RFLNA: variants seen among roughly 807,000 people sequenced by gnomAD.
RFLNA encodes the protein refilin A, also known as refilin-A.
RFLNA carries 5 observed loss-of-function variants against 7.8 expected under a neutral mutation model. The observed-to-expected ratio is 0.64, with a 90% confidence interval of 0.34 to 1.35. RFLNA has a LOEUF of 1.35. RFLNA is among the 40% of genes most tolerant of loss of function. The probability of loss-of-function intolerance (pLI) is 0.04; values close to 1 mark genes in which losing one functional copy is unlikely to be tolerated. For synonymous variants in RFLNA, 141 were observed against 131.3 expected (o/e 1.07, Z -0.50); for missense variants, 278 against 305.5 (o/e 0.91, Z 0.67).
At chr12:124,293,969 C>G (rs1481260929), upstream of RFLNA, among the ~76,000 whole-genome samples, 8 of 152,220 alleles carry the variant, frequency 5.3e-5, no homozygotes, top group Admixed American at 2.0e-4. Context: ...CATTAAGTTC[C>G]TTCCCTTAGA....
chr12:124,314,235 G>A lies in RFLNA; in HGVS notation c.361G>A (p.Asp121Asn). 6.2e-7 allele frequency: 1 copy of A among 1,613,404 alleles called. No individual in the cohort carries two copies. The highest frequency in any genetic ancestry group is 1.1e-5 in the South Asian group (1 of 91,066). ...GTACGCCTCGGAGAAGCATTTCCAG[G>A]ACAAGGTCTTCTATGCGCCCGTACC... ...VKYASEKHFQ[D>N]KVFYAPVPTV... The change falls in exon 3 of 3, where the codon GAC becomes AAC. Residue 121 changes from aspartate (D) to asparagine (N), a missense_variant. Asp to Asn is a conservative substitution (Grantham distance 23). Coordinates refer to ENST00000546355, the MANE Select transcript of RFLNA (RefSeq NM_001365156.1).
chr12:124,311,805 G>C lies in RFLNA; in HGVS notation c.208-13G>C, dbSNP rs1316389854. 1.9e-6 allele frequency: 3 copies of C among 1,564,202 alleles called. No homozygotes were observed. Among genetic ancestry groups the C allele is most frequent in the African/African-American group, 2.8e-5 (2 of 72,632 alleles). ...GGGGCTGCATAACCCCGTGTCCCTGGCTCTCCCCACAGCCCCCCTCCCAAC... is the reference window on the plus strand; with the variant it reads ...GGGGCTGCATAACCCCGTGTCCCTGCCTCTCCCCACAGCCCCCCTCCCAAC... On this transcript the variant is annotated splice_polypyrimidine_tract_variant and intron_variant, in intron 1 of 2. Transcript: ENST00000546355.
chr12:124,309,494 CGCGA>C (rs975862307), intron 1 of RFLNA, among the ~76,000 whole-genome samples: 3 of 152,230 alleles, frequency 2.0e-5, no homozygotes, highest in Non-Finnish European at 4.4e-5. Context: ...CTGCTGTGGC[CGCGA>C]GCATCTCTTC....
Position 124,295,579 on chromosome 12 carries a change from G to A in RFLNA, c.150G>A (p.Ala50=). The A allele has an allele frequency of 8.4e-7, 1 of 1,195,736 alleles. No homozygotes were observed. 74.1% of individuals were successfully genotyped at this position (1,195,736 alleles called of 1,614,324 possible). A position where few individuals can be genotyped will look rare whatever the true frequency, so the allele number is the denominator to read the frequency against. ...CCCTGGCGCCCGGCATCCTCGACGC[G>A]CGCGCGGGGGGCGCCGGCGCCTCCT... ...FYSLAPGILD[A]RAGGAGASSE... Residue 50 remains alanine, a synonymous_variant, in exon 1 of 3, where the codon GCG becomes GCA. Coordinates refer to ENST00000546355, the MANE Select transcript of RFLNA (RefSeq NM_001365156.1).
At chr12:124,296,171 C>CTT (rs1259447095) in intron 1 of RFLNA, among the ~76,000 whole-genome samples, 596 of 3,250 alleles carry the variant, frequency 0.18, 268 homozygotes, top group African/African-American at 0.43. Flanking sequence ...CTTCTCTTCT[C>CTT]TTCTCTTCTC....
chr12:124,296,655 C>G (rs59703390), intron 1 of RFLNA, among the ~76,000 whole-genome samples: 1 of 152,152 alleles, frequency 6.6e-6, no homozygotes, highest in African/African-American at 2.4e-5. Flanking sequence ...CGGAAAGGAG[C>G]GGCTCCCCGG....
intron 1 of RFLNA, among the ~76,000 whole-genome samples, chr12:124,299,883 TCTC>T (rs2033995365): frequency 6.6e-6 from 1 of 152,304 alleles, no homozygotes; most frequent in Non-Finnish European, 1.5e-5. Context: ...CCATTGCTCT[TCTC>T]CTCCTCCCCG....
chr12:124,308,597 G>A (rs1038750877), intron 1 of RFLNA, among the ~76,000 whole-genome samples: 3 of 152,226 alleles, frequency 2.0e-5, no homozygotes, highest in African/African-American at 7.2e-5. Flanking sequence ...GAGAGGGTCT[G>A]CAGGTTTCAG....
At chr12:124,310,716 C>G (rs2034229754) in intron 1 of RFLNA, among the ~76,000 whole-genome samples, 1 of 152,066 alleles carries the variant, frequency 6.6e-6, no homozygotes, top group Non-Finnish European at 1.5e-5. Flanking sequence ...AATTTTGGGA[C>G]AGACTTTAAA....
intron 1 of RFLNA, among the ~76,000 whole-genome samples, chr12:124,304,305 G>C (rs1056381045): frequency 6.6e-6 from 1 of 152,242 alleles, no homozygotes; most frequent in Non-Finnish European, 1.5e-5. Flanking sequence ...CCAGGCCCAC[G>C]GGACGCCAGC....
chr12:124,309,283 G>A (rs1290425354), intron 1 of RFLNA, among the ~76,000 whole-genome samples: 2 of 152,158 alleles, frequency 1.3e-5, no homozygotes, highest in Non-Finnish European at 2.9e-5. Context: ...CCCTTCTCGT[G>A]CCCTCATTGC....
chr12:124,294,264 C>G (rs2033866190), upstream of RFLNA, among the ~76,000 whole-genome samples: 1 of 152,180 alleles, frequency 6.6e-6, no homozygotes, highest in Admixed American at 6.5e-5. Flanking sequence ...GAGTCTACCT[C>G]TGTTCTCTTC....
At position 124,296,072 on chromosome 12, in the gene RFLNA, TTTTC is replaced by T. The variant is rs1165061619; in HGVS notation, c.207+486_207+489del. ...TCCGGGCGCTGCCAATGTGAAAGCCTTTTCTTTCTTTCTTTCTTTCTTTCTTTCT... is the reference window on the plus strand; with the variant it reads ...TCCGGGCGCTGCCAATGTGAAAGCCTTTTCTTTCTTTCTTTCTTTCTTTCT... On this transcript the variant is annotated intron_variant, in intron 1 of 2. Transcript: ENST00000546355. Among the ~76,000 whole-genome samples, 7 of 94,720 alleles carry T rather than the reference TTTTC, an allele frequency of 7.4e-5. 1 individual carries two copies. The highest frequency in any genetic ancestry group is 3.5e-4 in the African/African-American group (7 of 20,276). 62.1% of individuals were successfully genotyped at this position (94,720 alleles called of 152,430 possible). A position where few individuals can be genotyped will look rare whatever the true frequency, so the allele number is the denominator to read the frequency against.
chr12:124,308,349 C>T (rs547044707), intron 1 of RFLNA, among the ~76,000 whole-genome samples: 1 of 152,308 alleles, frequency 6.6e-6, no homozygotes, highest in East Asian at 1.9e-4. Flanking sequence ...GAGATGGCCT[C>T]ATCTCAGGAG....
chr12:124,311,685 G>A, intron 1 of RFLNA, 133 bp from the exon 2 acceptor site: 1 of 832,938 alleles, frequency 1.2e-6, no homozygotes, highest in South Asian at 2.3e-5. Context: ...GCGGCTTCCT[G>A]ATGGGCCCCA....
At chr12:124,308,650 T>A (rs1471050921) in intron 1 of RFLNA, among the ~76,000 whole-genome samples, 1 of 152,218 alleles carries the variant, frequency 6.6e-6, no homozygotes, top group East Asian at 1.9e-4. Context: ...CCACCCCAGG[T>A]ACCTCCATCT....
chr12:124,301,682 G>T (rs562640250), intron 1 of RFLNA, among the ~76,000 whole-genome samples: 3 of 152,152 alleles, frequency 2.0e-5, no homozygotes, highest in African/African-American at 7.2e-5. Flanking sequence ...CTGGGAGGCC[G>T]CCTGGCAGTT....
At chr12:124,300,960 A>G (rs554355476) in intron 1 of RFLNA, among the ~76,000 whole-genome samples, 1 of 152,130 alleles carries the variant, frequency 6.6e-6, no homozygotes, top group East Asian at 1.9e-4. Context: ...GGATGGATTG[A>G]TGGATGGATA....
rs940306719 is a variant in RFLNA, at chr12:124,315,015, C to T, written c.*490C>T. On this transcript the variant is annotated 3_prime_UTR_variant, in exon 3 of 3. Coordinates refer to ENST00000546355, the MANE Select transcript of RFLNA (RefSeq NM_001365156.1). The stretch of plus-strand genomic sequence containing the variant: ...GGTACCTCTCTTCCCTGCTGCTGGC[C>T]TGGGGTATTTCCAAAACAGCCTTTT... 1.5e-5 allele frequency: 4 copies of T among 267,330 alleles called. No homozygotes were observed. The highest frequency in any genetic ancestry group is 1.3e-4 in the South Asian group (3 of 23,652). 16.6% of individuals were successfully genotyped at this position (267,330 alleles called of 1,614,324 possible). A position where few individuals can be genotyped will look rare whatever the true frequency, so the allele number is the denominator to read the frequency against.
Sources: allele counts gnomAD v4.1 joint callset (sites outside exome capture counted in the v4.1 genomes callset), GRCh38; gene constraint gnomAD v4.1.1; transcripts MANE v1.5; gene names NCBI Gene and HGNC (gene_info 2026-07-23, HGNC 2026-07-21).